The following BEND4 variants were observed in gnomAD, a reference collection of about 807,000 sequenced individuals.
BEND4 encodes BEN domain containing 4, also known as BEN domain-containing protein 4.
Under a neutral mutation model 54.7 loss-of-function variants are expected in BEND4, and 27 were observed. That is an observed-to-expected ratio of 0.49 (90% CI 0.36 to 0.68). The LOEUF is 0.68. Among genes scored for constraint, BEND4 ranks in the 30% least tolerant of loss-of-function variants. The probability of loss-of-function intolerance (pLI) is 0.00; values close to 1 mark genes in which losing one functional copy is unlikely to be tolerated. For synonymous variants in BEND4, 327 were observed against 299.5 expected, an observed-to-expected ratio of 1.09 and a Z score of -0.95; for missense variants, 702 against 697.2, an observed-to-expected ratio of 1.01 and a Z score of -0.08.
At chr4:42,148,551 G>A (rs1178845836) in intron 2 of BEND4, among the ~76,000 whole-genome samples, 1 of 152,224 alleles carries the variant, frequency 6.6e-6, no homozygotes, top group Non-Finnish European at 1.5e-5. Flanking sequence ...TAGACAGAAA[G>A]TAATTAGAAT....
chr4:42,127,999 C>CA (rs1431502732), intron 3 of BEND4, among the ~76,000 whole-genome samples: 1 of 151,962 alleles, frequency 6.6e-6, no homozygotes, highest in Non-Finnish European at 1.5e-5. Context: ...CATATCTTTA[C>CA]AAAAAAATCA....
chr4:42,127,147 T>C (rs1000409705), intron 3 of BEND4, among the ~76,000 whole-genome samples: 10 of 152,226 alleles, frequency 6.6e-5, no homozygotes, highest in Non-Finnish European at 1.5e-4. Flanking sequence ...ATTTTTTAGG[T>C]GACATCACAA....
intron 2 of BEND4, among the ~76,000 whole-genome samples, chr4:42,147,471 ATTTT>A (rs1195056144): frequency 6.7e-6 from 1 of 148,316 alleles, no homozygotes; most frequent in African/African-American, 2.5e-5. Context: ...ACGTATTATG[ATTTT>A]TTTAACTTTT....
intron 2 of BEND4, among the ~76,000 whole-genome samples, chr4:42,150,026 A>C (rs1721208763): frequency 6.6e-6 from 1 of 152,202 alleles, no homozygotes; most frequent in Non-Finnish European, 1.5e-5. Context: ...GAGGCTACGC[A>C]AAAGAGTAAA....
chr4:42,125,745 GT>G (rs370061487), intron 3 of BEND4, 71 bp from the exon 4 acceptor site: 23,513 of 801,244 alleles, frequency 0.029, 1 homozygote, highest in East Asian at 0.037. Context: ...ATTTTTTAAA[GT>G]TTTTTTTTTT....
rs553934173 is a variant in BEND4, at chr4:42,151,943, G to C, written c.201C>G (p.Ala67=). The change falls in exon 2 of 6, where the codon GCC becomes GCG. Residue 67 remains alanine, a synonymous_variant. Coordinates refer to ENST00000502486, the MANE Select transcript of BEND4 (RefSeq NM_207406.4). ...GCGGCTCGCTGCTGCTGATGGAGAC[G>C]GCGGCGTGCGGCGCGAAGGGCGGCG... ...PPPPPFAPHA[A]VSISSSEPPP... The C allele has an allele frequency of 8.0e-7, 1 of 1,248,976 alleles. No homozygotes were observed. The highest frequency in any genetic ancestry group is 1.0e-6 in the Non-Finnish European group (1 of 994,856). The allele number at this position is 1,248,976 out of a possible 1,614,324, so 77.4% of individuals were successfully genotyped here. A position where few individuals can be genotyped will look rare whatever the true frequency, so the allele number is the denominator to read the frequency against.
intron 3 of BEND4, among the ~76,000 whole-genome samples, chr4:42,126,876 C>T (rs1720307171): frequency 6.6e-6 from 1 of 151,408 alleles, no homozygotes; most frequent in Non-Finnish European, 1.5e-5. Context: ...CAAAACAAAA[C>T]AAAACAAAAA....
At chr4:42,129,762 G>A (rs1232670078) in intron 3 of BEND4, among the ~76,000 whole-genome samples, 1 of 152,138 alleles carries the variant, frequency 6.6e-6, no homozygotes, top group Non-Finnish European at 1.5e-5. Flanking sequence ...ACTCAGAATG[G>A]ATGAAAGACT....
chr4:42,144,862 C>T (rs142251992), intron 2 of BEND4, among the ~76,000 whole-genome samples: 264 of 152,254 alleles, frequency 1.7e-3, no homozygotes, highest in African/African-American at 6.0e-3. Context: ...TTAATGATAT[C>T]GAAGGGTCTT....
chr4:42,143,588 C>T lies in BEND4; in HGVS notation c.894G>A (p.Thr298=), dbSNP rs148903882. 2.8e-4 allele frequency: 443 copies of T among 1,586,692 alleles called. No individual in the cohort carries two copies. The highest frequency in any genetic ancestry group is 1.7e-3 in the Middle Eastern group (10 of 6,040). Residue 298 remains threonine, a synonymous_variant, in exon 3 of 6, where the codon ACG becomes ACA. Transcript: ENST00000502486. ...HTLGGWTSPA[T]SESHGHPSSS... is the part of the protein sequence containing the mutation. ...AAGATGGGTGGCCATGGGATTCGGA[C>T]GTTGCTGGGGAAGTCCAGCCACCTA... is the stretch of plus-strand genomic sequence containing the variant.
intron 2 of BEND4, among the ~76,000 whole-genome samples, chr4:42,149,757 G>T (rs1721196941): frequency 1.3e-5 from 2 of 151,626 alleles, no homozygotes; most frequent in Non-Finnish European, 2.9e-5. Context: ...AGGAAGGACA[G>T]CAAGGAAACT....
intron 3 of BEND4, among the ~76,000 whole-genome samples, chr4:42,127,061 C>T (rs962596189): frequency 2.6e-5 from 4 of 152,074 alleles, no homozygotes; most frequent in Non-Finnish European, 5.9e-5. Flanking sequence ...TTCTAAATTT[C>T]GTGTTTCTCA....
At chr4:42,132,860 T>C (rs1253931552) in intron 3 of BEND4, among the ~76,000 whole-genome samples, 1 of 152,152 alleles carries the variant, frequency 6.6e-6, no homozygotes, top group Non-Finnish European at 1.5e-5. Context: ...ATGAATCTAG[T>C]AGGTGTAATG....
At chr4:42,127,444 A>G (rs926076546) in intron 3 of BEND4, among the ~76,000 whole-genome samples, 2 of 152,230 alleles carry the variant, frequency 1.3e-5, no homozygotes, top group Non-Finnish European at 2.9e-5. Flanking sequence ...AAATGGCCCT[A>G]ATTTCACCAG....
At chr4:42,151,590 C>T in intron 2 of BEND4, 67 bp downstream of exon 2, 11 of 1,398,562 alleles carry the variant, frequency 7.9e-6, no homozygotes, top group Non-Finnish European at 1.0e-5. Flanking sequence ...CCCCGCTTCT[C>T]CTTCCTGGGT....
chr4:42,144,180 C>T (rs539941772), intron 2 of BEND4, 186 bp from the exon 3 acceptor site: 6 of 632,132 alleles, frequency 9.5e-6, no homozygotes, highest in East Asian at 2.8e-5. Flanking sequence ...TCTGCGACTG[C>T]GGGATGCTTG....
At chr4:42,124,614 G>A (rs962427660) in intron 4 of BEND4, among the ~76,000 whole-genome samples, 1 of 152,190 alleles carries the variant, frequency 6.6e-6, no homozygotes. Context: ...AGAGTCACCA[G>A]GGGCCTCTTG....
intron 3 of BEND4, among the ~76,000 whole-genome samples, chr4:42,140,440 G>T (rs1414769023): frequency 1.3e-5 from 2 of 152,132 alleles, no homozygotes; most frequent in Admixed American, 6.5e-5. Context: ...AATGGTTGCT[G>T]GTTCAAGTTC....
In BEND4 at chr4:42,143,521, C is replaced by A. The variant is rs368691156; in HGVS notation, c.961G>T (p.Gly321Cys). ...PEEEEEEDEE[G>C]YCPRCQELEQ... is the part of the protein sequence containing the mutation. Reference sequence around the variant, plus strand: ...AGCTCTTGGCATCGAGGACAATAGCCTTCCTCGTCCTCCTCCTCCTCCTCT... The same window carrying A: ...AGCTCTTGGCATCGAGGACAATAGCATTCCTCGTCCTCCTCCTCCTCCTCT... Residue 321 changes from glycine to cysteine, a missense_variant, in exon 3 of 6, where the codon GGC becomes TGC. Physicochemically the swap from Gly to Cys is radical, Grantham distance 159. Coordinates refer to ENST00000502486, the MANE Select transcript of BEND4 (RefSeq NM_207406.4). The A allele has an allele frequency of 6.4e-7, 1 of 1,553,480 alleles. No homozygotes were observed. The highest frequency in any genetic ancestry group is 8.7e-7 in the Non-Finnish European group (1 of 1,147,774).
Sources: gnomAD v4.1 joint callset for allele counts (sites outside exome capture counted in the v4.1 genomes callset) on GRCh38, gnomAD v4.1.1 for gene constraint, MANE v1.5 for transcripts, NCBI Gene and HGNC (gene_info 2026-07-23, HGNC 2026-07-21) for gene names.